Variants in SP3 observed in about 807,000 individuals in gnomAD.
SP3 encodes Sp3 transcription factor, also known as transcription factor Sp3.
A neutral mutation model predicts 70.3 loss-of-function variants in SP3; 10 were observed. The ratio of observed to expected loss-of-function variants is 0.14; its 90% confidence interval spans 0.09 to 0.24. The LOEUF is 0.24. Among genes scored for constraint, SP3 ranks in the 10% least tolerant of loss-of-function variants. The pLI is 1.00. For missense variants in SP3, 825 were observed against 914.6 expected (o/e 0.90, Z 1.26); for synonymous variants, 402 against 333.5 (o/e 1.21, Z -2.24).
intron 4 of SP3, among the ~76,000 whole-genome samples, chr2:173,928,748 C>A (rs185225956): frequency 6.6e-6 from 1 of 152,280 alleles, no homozygotes; most frequent in East Asian, 1.9e-4. Flanking sequence ...TTAGAGGACC[C>A]TTAGTCACCA....
Position 173,909,054 on chromosome 2 carries a change from T to G in SP3, c.*887A>C, listed in dbSNP as rs1183333748. 1.3e-5 allele frequency: 2 copies of G among 152,570 alleles called. No homozygotes were observed. Among genetic ancestry groups the G allele is most frequent in the Non-Finnish European group, 2.9e-5 (2 of 67,970 alleles). The allele number at this position is 152,570 out of a possible 1,614,324, so 9.5% of individuals were successfully genotyped here. A position where few individuals can be genotyped will look rare whatever the true frequency, so the allele number is the denominator to read the frequency against. Reference sequence around the variant, plus strand: ...CTTTACTGGTAATTTACATGATGGCTTTTAAGGCCCTGGGAGACATGGTTT... The same window carrying G: ...CTTTACTGGTAATTTACATGATGGCGTTTAAGGCCCTGGGAGACATGGTTT... On this transcript the variant is annotated 3_prime_UTR_variant, in exon 7 of 7. Coordinates refer to ENST00000310015, the MANE Select transcript of SP3 (RefSeq NM_003111.5).
rs1689385962 is a variant in SP3, at chr2:173,908,384, T to C, written c.*1557A>G. 6.6e-6 allele frequency: 1 copy of C among 152,480 alleles called. No homozygotes were observed. The highest frequency in any genetic ancestry group is 6.5e-5 in the Admixed American group (1 of 15,270). The allele number at this position is 152,480 out of a possible 1,614,324, so 9.4% of individuals were successfully genotyped here. Reference sequence around the variant, plus strand: ...TTAGTAAATGACCAGTGTCTCTATATATCTCTTCTTCAAATAAATGCCTGT... The same window carrying C: ...TTAGTAAATGACCAGTGTCTCTATACATCTCTTCTTCAAATAAATGCCTGT... On this transcript the variant is annotated 3_prime_UTR_variant, in exon 7 of 7. Transcript: ENST00000310015.
chr2:173,918,512 A>C, intron 5 of SP3, 81 bp downstream of exon 5: 1 of 1,324,340 alleles, frequency 7.6e-7, no homozygotes, highest in Non-Finnish European at 1.0e-6. Flanking sequence ...CTCATAATTA[A>C]ATGACATAGC....
chr2:173,961,043 T>C (rs956226291), intron 3 of SP3, among the ~76,000 whole-genome samples: 7 of 152,170 alleles, frequency 4.6e-5, no homozygotes, highest in African/African-American at 1.2e-4. Context: ...AGTAAATTAA[T>C]AATCCACAAG....
intron 4 of SP3, among the ~76,000 whole-genome samples, chr2:173,936,855 T>C (rs547201310): frequency 2.0e-5 from 3 of 152,152 alleles, no homozygotes; most frequent in East Asian, 3.9e-4. Context: ...TCTCTACCTA[T>C]ACAAATCTAG....
intron 6 of SP3, 117 bp downstream of exon 6, chr2:173,912,953 T>C (rs1050038561): frequency 7.8e-6 from 5 of 644,534 alleles, no homozygotes; most frequent in Non-Finnish European, 1.1e-5. Context: ...AAATTGGATG[T>C]AATTCATTGT....
chr2:173,950,085 C>G (rs1228605501), intron 4 of SP3, among the ~76,000 whole-genome samples: 1 of 151,840 alleles, frequency 6.6e-6, no homozygotes, highest in Non-Finnish European at 1.5e-5. Context: ...CTCAGTGGGC[C>G]ACAAATGGAC....
chr2:173,906,169 A>G lies in SP3; in HGVS notation c.*3772T>C, dbSNP rs1405388540. Among the ~76,000 whole-genome samples the G allele has an allele frequency of 3.3e-5, 5 of 152,214 alleles. No homozygotes were observed. The South Asian group carries it at 6.2e-4, about 19-fold the overall frequency. On this transcript the variant is annotated 3_prime_UTR_variant, in exon 7 of 7. Transcript: ENST00000310015. ...CCCTCACAAAGTCCCCCATCACCCA[A>G]CATACCACACTGTACCTTTGCAAAC...
At chr2:173,950,243 T>C (rs988446609) in intron 4 of SP3, among the ~76,000 whole-genome samples, 22 of 150,726 alleles carry the variant, frequency 1.5e-4, no homozygotes, top group African/African-American at 4.2e-4. Flanking sequence ...CAGGCTCGAG[T>C]AGAGGTCATT....
intron 3 of SP3, among the ~76,000 whole-genome samples, chr2:173,957,993 T>C (rs1222930822): frequency 6.6e-6 from 1 of 152,166 alleles, no homozygotes; most frequent in Non-Finnish European, 1.5e-5. Context: ...AAATGTTTCA[T>C]TTCGGTCTCT....
rs566633235 is a variant in SP3, at chr2:173,959,991, G to A, written c.280-3759C>T. Among the ~76,000 whole-genome samples, 622 of 152,156 alleles carry A rather than the reference G, an allele frequency of 4.1e-3. 2 individuals carry two copies. Among genetic ancestry groups the A allele is most frequent in the Non-Finnish European group, 7.3e-3 (497 of 67,974 alleles). The stretch of plus-strand genomic sequence containing the variant: ...TCAAGACCAGCCTAGGCAACATGGC[G>A]AAGCCCCATCTCTACAAAAAATACA... On this transcript the variant is annotated intron_variant, in intron 3 of 6. Coordinates refer to ENST00000310015, the MANE Select transcript of SP3 (RefSeq NM_003111.5).
At chr2:173,965,025 G>C (rs1337084868) in intron 1 of SP3, 140 bp downstream of exon 1, 2 of 1,105,326 alleles carry the variant, frequency 1.8e-6, no homozygotes, top group African/African-American at 3.2e-5. Flanking sequence ...GAGGCGCAGG[G>C]GAGTGCAGCT....
intron 4 of SP3, among the ~76,000 whole-genome samples, chr2:173,933,958 T>TG (rs1351222484): frequency 7.2e-6 from 1 of 138,738 alleles, no homozygotes; most frequent in Non-Finnish European, 1.5e-5. Flanking sequence ...AAGAGTTGGA[T>TG]GTGGTGGTGT....
chr2:173,913,442 A>C (rs1345480132), intron 5 of SP3, 176 bp from the exon 6 acceptor site: 1 of 432,602 alleles, frequency 2.3e-6, no homozygotes, highest in Non-Finnish European at 4.0e-6. Context: ...TATTTCAAGC[A>C]TATACATTTT....
intron 4 of SP3, among the ~76,000 whole-genome samples, chr2:173,925,165 T>C (rs1689875637): frequency 6.6e-6 from 1 of 152,254 alleles, no homozygotes; most frequent in Non-Finnish European, 1.5e-5. Flanking sequence ...CCCAAAGTGC[T>C]GGGATTACAG....
Position 173,906,117 on chromosome 2 carries a change from C to G in SP3, c.*3824G>C, listed in dbSNP as rs867541667. On this transcript the variant is annotated 3_prime_UTR_variant, in exon 7 of 7. Coordinates refer to ENST00000310015, the MANE Select transcript of SP3 (RefSeq NM_003111.5). ...ATTCTTCTCTTTTGCAATTTGGCAG[C>G]CCCTCTTAAAAATTTTTCCACTCTG... Among the ~76,000 whole-genome samples, 27 of 152,078 alleles carry G rather than the reference C, an allele frequency of 1.8e-4. No homozygotes were observed. The highest frequency in any genetic ancestry group is 6.3e-4 in the African/African-American group (26 of 41,414).
intron 4 of SP3, among the ~76,000 whole-genome samples, chr2:173,954,104 A>G (rs1559107723): frequency 6.6e-6 from 1 of 152,262 alleles, no homozygotes; most frequent in Non-Finnish European, 1.5e-5. Context: ...AAACAGAATT[A>G]AAGTAATAAA....
rs534012469 is a variant in SP3, at chr2:173,903,493, CACAG to C, written c.*6444_*6447del. Among the ~76,000 whole-genome samples the C allele has an allele frequency of 7.4e-4, 112 of 152,264 alleles. No individual in the cohort carries two copies. The highest frequency in any genetic ancestry group is 1.1e-3 in the Non-Finnish European group (76 of 68,008). ...AAATGAATAAAGATGGAAAAAAACA[CACAG>C]AGTTACTAGGAGTAGAATTGAGAAA... On this transcript the variant is annotated 3_prime_UTR_variant, in exon 7 of 7. Coordinates refer to ENST00000310015, the MANE Select transcript of SP3 (RefSeq NM_003111.5).
At position 173,909,911 on chromosome 2, in the gene SP3, AACC is replaced by A; in HGVS notation, c.*27_*29del. 1 of 1,593,924 alleles carries A rather than the reference AACC, an allele frequency of 6.3e-7. No homozygotes were observed. Among genetic ancestry groups the A allele is most frequent in the Non-Finnish European group, 8.6e-7 (1 of 1,163,706 alleles). ...ATTCTTCTCACTACTGTATAAAAAT[AACC>A]ACAATGAATAAGTATTTGTGTAATA... On this transcript the variant is annotated 3_prime_UTR_variant, in exon 7 of 7. Transcript: ENST00000310015.
Sources: gnomAD v4.1 joint callset for allele counts (sites outside exome capture counted in the v4.1 genomes callset) on GRCh38, gnomAD v4.1.1 for gene constraint, MANE v1.5 for transcripts, NCBI Gene and HGNC (gene_info 2026-07-23, HGNC 2026-07-21) for gene names.